The following SOCS5 variants were observed in gnomAD, a reference collection of about 807,000 sequenced individuals.
The protein encoded by SOCS5 is CIS-6.
SOCS5 carries 32 observed loss-of-function variants against 42.8 expected under a neutral mutation model. The observed-to-expected ratio is 0.75, with a 90% confidence interval of 0.56 to 1.01. SOCS5 has a LOEUF of 1.01. Among genes scored for constraint, SOCS5 ranks in the 50% least tolerant of loss-of-function variants. SOCS5 has a pLI of 0.00. For missense variants in SOCS5, 627 were observed against 653.0 expected (o/e 0.96, Z 0.43); for synonymous variants, 283 against 229.6 (o/e 1.23, Z -2.10).
At chr2:46,722,987 A>AT (rs921346225) in intron 1 of SOCS5, among the ~76,000 whole-genome samples, 4 of 152,000 alleles carry the variant, frequency 2.6e-5, no homozygotes, top group African/African-American at 9.7e-5. Context: ...TCTTTTGCCC[A>AT]TTTTTAATGG....
chr2:46,727,611 G>T lies in SOCS5; in HGVS notation c.-13+28162G>T, dbSNP rs1435017296. ...AAGCCTGTAGTGCTTCGCTGTTTGG[G>T]TCTGTCCTATATGCAGTATCAGTCT... is the stretch of plus-strand genomic sequence containing the variant. On this transcript the variant is annotated intron_variant, in intron 1 of 1. Transcript: ENST00000394861. Among the ~76,000 whole-genome samples the T allele has an allele frequency of 2.0e-5, 3 of 152,080 alleles. No homozygotes were observed. The East Asian group carries it at 5.8e-4, about 29-fold the overall frequency.
At chr2:46,715,485 C>T (rs1234591976) in intron 1 of SOCS5, among the ~76,000 whole-genome samples, 3 of 151,922 alleles carry the variant, frequency 2.0e-5, no homozygotes, top group African/African-American at 4.8e-5. Context: ...CTAGTATATT[C>T]CCTTTGCTTA....
rs754071222 is a variant in SOCS5, at chr2:46,759,123, C to CA, written c.596dup (p.Pro200AlafsTer6). ...CCCATGAGAACTTACAGCAAGCAGT[C>CA]AAAGCCTCTCTTTTCCAATAAAAGA... On this transcript the variant is annotated frameshift_variant, in exon 2 of 2. Coordinates refer to ENST00000394861, the MANE Select transcript of SOCS5 (RefSeq NM_144949.3). LOFTEE classifies it high-confidence loss of function. The CA allele has an allele frequency of 3.1e-6, 5 of 1,613,980 alleles. No individual in the cohort carries two copies. In the South Asian group the frequency reaches 5.5e-5, roughly 18 times the overall value.
At position 46,759,899 on chromosome 2, in the gene SOCS5, G is replaced by C; in HGVS notation, c.1369G>C (p.Glu457Gln). Residue 457 changes from glutamate to glutamine, a missense_variant, in exon 2 of 2, where the codon GAA (glutamate) becomes CAA (glutamine). Coordinates refer to ENST00000394861, the MANE Select transcript of SOCS5 (RefSeq NM_144949.3). ...CTCCTCCACTGTAACGGGACTTTTA[G>C]AACATTATAAAGATCCCAGTTCGTG... ...FHSSTVTGLL[E>Q]HYKDPSSCMF... 6.2e-7 allele frequency: 1 copy of C among 1,614,110 alleles called. No homozygotes were observed.
chr2:46,714,932 G>A (rs943391633), intron 1 of SOCS5, among the ~76,000 whole-genome samples: 1 of 151,874 alleles, frequency 6.6e-6, no homozygotes, highest in Non-Finnish European at 1.5e-5. Flanking sequence ...TTAGTTAATC[G>A]TGATTTGCCT....
intron 1 of SOCS5, among the ~76,000 whole-genome samples, chr2:46,734,832 G>A (rs989569083): frequency 6.6e-6 from 1 of 152,118 alleles, no homozygotes; most frequent in East Asian, 1.9e-4. Flanking sequence ...TTTAAACATG[G>A]CATGGAAGAC....
rs772216494 is a variant in SOCS5 at position 46,759,460 on chromosome 2, A to G, written c.930A>G (p.Ile310Met). The change falls in exon 2 of 2, where the codon ATA becomes ATG. Residue 310 changes from isoleucine to methionine, a missense_variant. Ile to Met is a conservative substitution (Grantham distance 10). Around this residue, in one of 3 missense-constraint regions of SOCS5, gnomAD observed 340 missense variants for 367.6 expected, o/e 0.92. Coordinates refer to ENST00000394861, the MANE Select transcript of SOCS5 (RefSeq NM_144949.3). The part of the protein sequence containing the change: ...GPKLAPGMTE[I>M]SGDSSAIPQA... ...AATTAGCTCCTGGAATGACTGAAAT[A>G]AGTGGGGACAGTTCTGCAATTCCAC... is the stretch of plus-strand genomic sequence containing the variant. 6.2e-7 allele frequency: 1 copy of G among 1,613,870 alleles called. No homozygotes were observed. Among genetic ancestry groups the G allele is most frequent in the Non-Finnish European group, 8.5e-7 (1 of 1,179,862 alleles).
Position 46,759,991 on chromosome 2 carries a change from C to T in SOCS5, c.1461C>T (p.Ile487=). 4 of 1,614,150 alleles carry T rather than the reference C, an allele frequency of 2.5e-6. No homozygotes were observed. The highest frequency in any genetic ancestry group is 2.5e-6 in the Non-Finnish European group (3 of 1,180,016). The change falls in exon 2 of 2, where the codon ATC becomes ATT. Residue 487 remains isoleucine (I), a synonymous_variant. Coordinates refer to ENST00000394861, the MANE Select transcript of SOCS5 (RefSeq NM_144949.3). The part of the protein sequence containing the change: ...NRTFPFSLQY[I]CRAVICRCTT... ...CTTTCCCTTTTAGCCTGCAGTATAT[C>T]TGTCGCGCGGTAATCTGCAGGTGCA...
intron 1 of SOCS5, among the ~76,000 whole-genome samples, chr2:46,726,557 C>G (rs1158875758): frequency 2.0e-5 from 3 of 152,136 alleles, no homozygotes; most frequent in East Asian, 3.8e-4. Flanking sequence ...ACACGAATGT[C>G]AGACCTTTTG....
intron 1 of SOCS5, among the ~76,000 whole-genome samples, chr2:46,735,438 A>G (rs958983855): frequency 6.6e-6 from 1 of 152,144 alleles, no homozygotes; most frequent in African/African-American, 2.4e-5. Flanking sequence ...GGAAGGTTAT[A>G]TTATTATGGA....
intron 1 of SOCS5, among the ~76,000 whole-genome samples, chr2:46,729,302 A>T (rs187778398): frequency 6.0e-4 from 92 of 152,332 alleles, no homozygotes; most frequent in African/African-American, 2.0e-3. Context: ...TAAAAAATTT[A>T]AATGTATGCA....
intron 1 of SOCS5, among the ~76,000 whole-genome samples, chr2:46,753,999 G>C (rs1456163953): frequency 1.3e-5 from 2 of 152,106 alleles, no homozygotes; most frequent in African/African-American, 4.8e-5. Context: ...TTTATCAAGG[G>C]TCTTTGTGAC....
At chr2:46,719,850 A>C (rs1277130954) in intron 1 of SOCS5, among the ~76,000 whole-genome samples, 2 of 152,242 alleles carry the variant, frequency 1.3e-5, no homozygotes, top group African/African-American at 2.4e-5. Context: ...TAAGTGGTCT[A>C]GAGGCTATTC....
chr2:46,706,780 G>T (rs1672473049), intron 1 of SOCS5, among the ~76,000 whole-genome samples: 1 of 152,146 alleles, frequency 6.6e-6, no homozygotes, highest in Non-Finnish European at 1.5e-5. Flanking sequence ...AGGAAAGCTT[G>T]AACTGTCTTG....
chr2:46,700,162 TA>T (rs930268655), intron 1 of SOCS5, among the ~76,000 whole-genome samples: 1 of 152,190 alleles, frequency 6.6e-6, no homozygotes, highest in African/African-American at 2.4e-5. Context: ...AGAAGGATGC[TA>T]AAAAAACAGT....
At chr2:46,713,655 T>G (rs2103700984) in intron 1 of SOCS5, among the ~76,000 whole-genome samples, 1 of 152,310 alleles carries the variant, frequency 6.6e-6, no homozygotes, top group South Asian at 2.1e-4. Context: ...GTTTTCTGTT[T>G]CATGATTTGA....
intron 1 of SOCS5, among the ~76,000 whole-genome samples, chr2:46,726,120 G>A (rs923498152): frequency 6.6e-6 from 1 of 151,714 alleles, no homozygotes; most frequent in African/African-American, 2.4e-5. Context: ...TTTTGTAGAC[G>A]GAGTCTCGCT....
chr2:46,760,004 A>T lies in SOCS5; in HGVS notation c.1474A>T (p.Ile492Phe). The T allele has an allele frequency of 6.2e-7, 1 of 1,614,140 alleles. No homozygotes were observed. The highest frequency in any genetic ancestry group is 8.5e-7 in the Non-Finnish European group (1 of 1,180,012). Residue 492 changes from isoleucine (I) to phenylalanine (F), a missense_variant, in exon 2 of 2, where the codon ATC becomes TTC. By Grantham distance (21) the Ile-to-Phe change is conservative. Around this residue, in one of 3 missense-constraint regions of SOCS5, gnomAD observed 340 missense variants for 367.6 expected, o/e 0.92. Transcript: ENST00000394861. ...FSLQYICRAV[I>F]CRCTTYDGID... ...CCTGCAGTATATCTGTCGCGCGGTA[A>T]TCTGCAGGTGCACTACGTATGATGG...
chr2:46,755,524 A>G lies in SOCS5; in HGVS notation c.-12-2995A>G, dbSNP rs534668669. Among the ~76,000 whole-genome samples the G allele has an allele frequency of 5.9e-5, 9 of 152,322 alleles. No homozygotes were observed. The East Asian group carries it at 1.7e-3, about 29-fold the overall frequency. The stretch of plus-strand genomic sequence containing the variant: ...ATTTAACTTCCAAAAGCATTATAAA[A>G]TCAGTTTTAAATTATTATTCCTTCG... On this transcript the variant is annotated intron_variant, in intron 1 of 1. Transcript: ENST00000394861.
Sources: allele counts gnomAD v4.1 joint callset (sites outside exome capture counted in the v4.1 genomes callset), GRCh38; gene constraint gnomAD v4.1.1; regional missense constraint gnomAD v4.1.1; transcripts MANE v1.5; gene names NCBI Gene and HGNC (gene_info 2026-07-23, HGNC 2026-07-21).